Variants in MATR3 observed in about 807,000 individuals in gnomAD.
The protein encoded by MATR3 is matrin-3.
In MATR3, 4 loss-of-function variants were observed where a neutral mutation model predicts 85.5. The ratio of observed to expected loss-of-function variants is 0.05; its 90% CI spans 0.02 to 0.11. The LOEUF (loss-of-function observed/expected upper bound fraction) is 0.11, where lower values mean the gene tolerates loss of function less well. Ranked by LOEUF, MATR3 falls within the 10% of genes least tolerant of loss-of-function variation. The pLI is 1.00. For missense variants in MATR3, 685 were observed against 1,016.1 expected, an observed-to-expected ratio of 0.67 and a Z score of 4.43; for synonymous variants, 336 against 343.1, an observed-to-expected ratio of 0.98 and a Z score of 0.23.
chr5:139,325,524 G>A lies in MATR3; in HGVS notation c.2233G>A (p.Ala745Thr), dbSNP rs772433814. Reference sequence around the variant, plus strand: ...AAATGAGGAAAACACAGAACCAGGTGCTGAATCTTCTGAGAACGCTGATGA... The same window carrying A: ...AAATGAGGAAAACACAGAACCAGGTACTGAATCTTCTGAGAACGCTGATGA... ...IKNEENTEPG[A>T]ESSENADDPN... The change falls in exon 13 of 15, where the codon GCT becomes ACT. Residue 745 changes from alanine to threonine, a missense_variant. By Grantham distance (58) the Ala-to-Thr change is moderately conservative. Transcript: ENST00000394805. 6.2e-7 allele frequency: 1 copy of A among 1,614,210 alleles called. No homozygotes were observed. The highest frequency in any genetic ancestry group is 8.5e-7 in the Non-Finnish European group (1 of 1,180,036).
intron 1 of MATR3, among the ~76,000 whole-genome samples, chr5:139,301,871 T>C (rs1754464434): frequency 6.6e-6 from 1 of 152,044 alleles, no homozygotes; most frequent in African/African-American, 2.4e-5. Flanking sequence ...CAGGTCTGAG[T>C]GGGAATTTCT....
chr5:139,308,000 T>G lies in MATR3; in HGVS notation c.585T>G (p.Ser195Arg). 6.2e-7 allele frequency: 1 copy of G among 1,614,160 alleles called. No individual in the cohort carries two copies. Among genetic ancestry groups the G allele is most frequent in the Non-Finnish European group, 8.5e-7 (1 of 1,180,022 alleles). The change falls in exon 2 of 15, where the codon AGT (serine) becomes AGG (arginine). Residue 195 changes from serine (S) to arginine (R), a missense_variant. This residue lies in a region of MATR3 where 223 missense variants were observed against 334.4 expected (regional missense o/e 0.67). Transcript: ENST00000394805. The surrounding 1 kb of genome is among the most constrained non-coding windows in gnomAD (Gnocchi z 4.4). ...ATAGTTTTGATGATCGTGGTCCTAG[T>G]CTCAACCCAGTGCTTGATTATGACC... is the stretch of plus-strand genomic sequence containing the variant. ...RRDSFDDRGP[S>R]LNPVLDYDHG...
At chr5:139,290,689 G>A (rs1392414292), upstream of MATR3, among the ~76,000 whole-genome samples, 2 of 151,758 alleles carry the variant, frequency 1.3e-5, no homozygotes, top group African/African-American at 4.8e-5. Context: ...GGCCTCAAGC[G>A]ATCGGCCCAC....
chr5:139,300,079 G>GA (rs1754362366), intron 1 of MATR3: 2 of 152,080 alleles, frequency 1.3e-5, no homozygotes, highest in Admixed American at 6.6e-5. Flanking sequence ...CTTGTCTGTT[G>GA]AAAGTTACTA....
upstream of MATR3, among the ~76,000 whole-genome samples, chr5:139,290,659 A>T (rs1753844426): frequency 6.6e-6 from 1 of 151,698 alleles, no homozygotes; most frequent in South Asian, 2.1e-4. Context: ...CATGTTGCCT[A>T]TGATGGTCTT....
chr5:139,313,613 G>A (rs1336391022), intron 2 of MATR3: 1 of 152,052 alleles, frequency 6.6e-6, no homozygotes, highest in Non-Finnish European at 1.5e-5. Context: ...AATAAAATAA[G>A]AGTTACTTCA....
intron 9 of MATR3, 67 bp from the exon 10 acceptor site, chr5:139,321,831 A>G (rs766107262): frequency 1.4e-5 from 22 of 1,525,092 alleles, no homozygotes; most frequent in Non-Finnish European, 2.0e-5. Context: ...GGTAGAATAC[A>G]TAATAAGGTT....
At chr5:139,318,452 T>C (rs1755368798) in intron 7 of MATR3, among the ~76,000 whole-genome samples, 1 of 151,362 alleles carries the variant, frequency 6.6e-6, no homozygotes, top group African/African-American at 2.4e-5. Context: ...TGTTCGTTTG[T>C]TTTTGTTTTG....
In MATR3 at chr5:139,323,084, G is replaced by A; in HGVS notation, c.2148+117G>A. 3 of 1,014,442 alleles carry A rather than the reference G, an allele frequency of 3.0e-6. No homozygotes were observed. In the South Asian group the frequency reaches 5.1e-5, roughly 17 times the overall value. 62.8% of individuals were successfully genotyped at this position (1,014,442 alleles called of 1,614,324 possible). On this transcript the variant is annotated intron_variant, in intron 12 of 14. Transcript: ENST00000394805. ...ATGATTTAAATCAGAAAATAAATCA[G>A]ATATGAACCAGAATATAAACATTTA...
At chr5:139,326,032 T>G (rs550330281) in intron 13 of MATR3, 131 bp from the exon 14 acceptor site, 1 of 850,032 alleles carries the variant, frequency 1.2e-6, no homozygotes, top group Admixed American at 2.8e-5. Context: ...TCGGTTTTTG[T>G]TTTTTATCTT....
chr5:139,286,655 G>C (rs571580499), intron 3 of MATR3, among the ~76,000 whole-genome samples: 6 of 151,636 alleles, frequency 4.0e-5, no homozygotes, highest in Non-Finnish European at 8.8e-5. Context: ...GACCAGCCTA[G>C]CCAACTTGGT....
intron 1 of MATR3, among the ~76,000 whole-genome samples, chr5:139,298,647 C>T (rs1266011569): frequency 6.6e-6 from 1 of 152,024 alleles, no homozygotes; most frequent in Non-Finnish European, 1.5e-5. Flanking sequence ...AAAACTAGAG[C>T]AGAGAGAAAA....
chr5:139,278,920 T>G (rs770731715), intron 2 of MATR3: 1 of 517,480 alleles, frequency 1.9e-6, no homozygotes, highest in East Asian at 5.4e-5. Context: ...GGCAGTGTTT[T>G]GCACCTCTGA....
chr5:139,295,343 A>G (rs1754089330), intron 1 of MATR3, among the ~76,000 whole-genome samples: 1 of 152,228 alleles, frequency 6.6e-6, no homozygotes, highest in Non-Finnish European at 1.5e-5. Flanking sequence ...CAACATTAAA[A>G]TACTGCATGA....
At chr5:139,317,481 T>A (rs1445254301) in intron 6 of MATR3, 115 bp from the exon 7 acceptor site, 5 of 1,026,838 alleles carry the variant, frequency 4.9e-6, no homozygotes, top group Non-Finnish European at 7.5e-6. Flanking sequence ...TGTTATGAGT[T>A]GTTTTACTTA....
At chr5:139,309,040 C>CAT (rs1270796172) in intron 2 of MATR3, among the ~76,000 whole-genome samples, 1 of 152,162 alleles carries the variant, frequency 6.6e-6, no homozygotes, top group Non-Finnish European at 1.5e-5. Context: ...CTGTGTTCCT[C>CAT]ATAAACAAAT....
chr5:139,296,940 C>T (rs147593345), intron 1 of MATR3, among the ~76,000 whole-genome samples: 3 of 152,260 alleles, frequency 2.0e-5, no homozygotes, highest in African/African-American at 7.2e-5. Flanking sequence ...GAGGCCAAGG[C>T]GGGCGGATCA....
rs1246117151 is a variant in MATR3 at position 139,318,942 on chromosome 5, A to G, written c.1343A>G (p.Gln448Arg). 2 of 1,614,028 alleles carry G rather than the reference A, an allele frequency of 1.2e-6. No individual in the cohort carries two copies. Among genetic ancestry groups the G allele is most frequent in the African/African-American group, 1.3e-5 (1 of 74,950 alleles). Reference protein sequence around the residue: ...FIEMATTEDAQAAVDYYTTTP... With the variant: ...FIEMATTEDARAAVDYYTTTP... The stretch of plus-strand genomic sequence containing the variant: ...GAAATGGCAACCACAGAGGATGCTC[A>G]GGCCGCAGTGGATTATTACACAACC... The change falls in exon 8 of 15, where the codon CAG (glutamine) becomes CGG (arginine). Residue 448 changes from glutamine (Q) to arginine (R), a missense_variant. Gln to Arg is a conservative substitution (Grantham distance 43). Coordinates refer to ENST00000394805, the MANE Select transcript of MATR3 (RefSeq NM_018834.6).
At chr5:139,302,546 A>G (rs536662697) in intron 1 of MATR3, among the ~76,000 whole-genome samples, 4 of 152,240 alleles carry the variant, frequency 2.6e-5, no homozygotes, top group Admixed American at 1.3e-4. Flanking sequence ...TAAATGAAGA[A>G]AAATTTAAAT....
Sources: allele counts gnomAD v4.1 joint callset (sites outside exome capture counted in the v4.1 genomes callset), GRCh38; gene constraint gnomAD v4.1.1; regional missense constraint gnomAD v4.1.1; non-coding constraint Gnocchi (gnomAD v3.1); transcripts MANE v1.5; gene names NCBI Gene and HGNC (gene_info 2026-07-23, HGNC 2026-07-21).